DAB1: variants seen among roughly 807,000 people sequenced by gnomAD.
DAB1 encodes the protein disabled homolog 1.
In DAB1, 15 loss-of-function variants were observed where a neutral mutation model predicts 64.6. The observed-to-expected ratio is 0.23, with a 90% confidence interval of 0.16 to 0.36. The LOEUF (loss-of-function observed/expected upper bound fraction) is 0.36, where lower values mean the gene tolerates loss of function less well. Among genes scored for constraint, DAB1 ranks in the 10% least tolerant of loss-of-function variants. The pLI is 1.00. For synonymous variants in DAB1, 235 were observed against 251.9 expected (o/e 0.93, Z 0.64); for missense variants, 596 against 706.7 (o/e 0.84, Z 1.78).
intron 5 of DAB1, among the ~76,000 whole-genome samples, chr1:58,069,326 T>A (rs548415258): frequency 6.6e-6 from 1 of 152,310 alleles, no homozygotes; most frequent in South Asian, 2.1e-4. Context: ...ATTAAGTTTG[T>A]CCAAGGCTTC....
intron 7 of DAB1, among the ~76,000 whole-genome samples, chr1:57,491,469 A>G (rs1043473878): frequency 6.6e-6 from 1 of 152,166 alleles, no homozygotes; most frequent in Non-Finnish European, 1.5e-5. Flanking sequence ...TAAAAAAAGG[A>G]TAACAATATA....
intron 3 of DAB1, among the ~76,000 whole-genome samples, chr1:58,407,263 C>T (rs1035562885): frequency 7.9e-5 from 12 of 152,122 alleles, no homozygotes; most frequent in Admixed American, 5.9e-4. Context: ...GCCCAGACAC[C>T]GTGGCACCCC....
chr1:58,079,591 C>T (rs186360552), intron 5 of DAB1, among the ~76,000 whole-genome samples: 182 of 136,324 alleles, frequency 1.3e-3, no homozygotes, highest in Admixed American at 2.5e-3. Context: ...GGCGCAATCT[C>T]GGCTCACTGC....
At position 57,371,887 on chromosome 1, in the gene DAB1, G is replaced by A. The variant is rs753802753; in HGVS notation, c.-137+52043C>T. On this transcript the variant is annotated intron_variant, in intron 1 of 14. Transcript: ENST00000371236. ...GGGAGGTGCTACTGAAATCTACTGGGTAGAGGCCAGGGATGCTACTAAACA... is the reference window on the plus strand; with the variant it reads ...GGGAGGTGCTACTGAAATCTACTGGATAGAGGCCAGGGATGCTACTAAACA... Among the ~76,000 whole-genome samples, 82 of 152,150 alleles carry A rather than the reference G, an allele frequency of 5.4e-4. 1 individual carries two copies. The highest frequency in any genetic ancestry group is 1.5e-4 in the Non-Finnish European group (10 of 68,034).
intron 7 of DAB1, among the ~76,000 whole-genome samples, chr1:57,452,295 G>C (rs1686413845): frequency 6.6e-6 from 1 of 151,528 alleles, no homozygotes; most frequent in Non-Finnish European, 1.5e-5. Flanking sequence ...AAGTGAGTGG[G>C]CTTGGAATAT....
intron 5 of DAB1, among the ~76,000 whole-genome samples, chr1:57,972,463 G>A (rs1379979746): frequency 4.6e-5 from 7 of 152,016 alleles, no homozygotes; most frequent in Non-Finnish European, 7.4e-5. Context: ...GGCTGGTCTC[G>A]AACTCCTGGC....
chr1:58,364,341 C>A (rs769515362), intron 3 of DAB1, among the ~76,000 whole-genome samples: 3 of 152,206 alleles, frequency 2.0e-5, no homozygotes, highest in Non-Finnish European at 4.4e-5. Context: ...GTAACAGAAA[C>A]TAGAATAGCA....
chr1:57,617,138 T>C (rs1312508685), intron 7 of DAB1, among the ~76,000 whole-genome samples: 1 of 152,146 alleles, frequency 6.6e-6, no homozygotes, highest in Non-Finnish European at 1.5e-5. Flanking sequence ...CTGGTGCACA[T>C]ACTGCCCAGC....
intron 5 of DAB1, among the ~76,000 whole-genome samples, chr1:57,953,809 T>C (rs569470777): frequency 5.9e-5 from 9 of 152,274 alleles, no homozygotes; most frequent in East Asian, 5.8e-4. Context: ...GCTGGGTTCC[T>C]GTAATAAGGC....
chr1:58,427,220 T>A (rs1428315797), intron 3 of DAB1, among the ~76,000 whole-genome samples: 4 of 150,512 alleles, frequency 2.7e-5, no homozygotes, highest in African/African-American at 7.3e-5. Flanking sequence ...TGAGAAGAGA[T>A]GCAGTAGAGT....
intron 6 of DAB1, among the ~76,000 whole-genome samples, chr1:57,677,804 GT>G (rs1646585376): frequency 6.6e-6 from 1 of 152,288 alleles, no homozygotes; most frequent in South Asian, 2.1e-4. Flanking sequence ...GCAAGGTACT[GT>G]TATTCATTGG....
intron 7 of DAB1, among the ~76,000 whole-genome samples, chr1:57,614,707 T>G (rs1645768655): frequency 6.6e-6 from 1 of 152,086 alleles, no homozygotes; most frequent in African/African-American, 2.4e-5. Context: ...TTGGACTCCT[T>G]CTCTTTGTAA....
At chr1:57,183,715 T>C (rs914064672) in intron 2 of DAB1, among the ~76,000 whole-genome samples, 2 of 152,200 alleles carry the variant, frequency 1.3e-5, no homozygotes, top group Non-Finnish European at 2.9e-5. Context: ...CACTCCACTA[T>C]ATGGGAAAGT....
chr1:58,092,371 A>G (rs1366463835), intron 5 of DAB1, among the ~76,000 whole-genome samples: 2 of 151,922 alleles, frequency 1.3e-5, no homozygotes, highest in African/African-American at 4.8e-5. Flanking sequence ...TTTCAAGGTA[A>G]GTTCTTTCCA....
intron 1 of DAB1, among the ~76,000 whole-genome samples, chr1:57,849,153 A>G (rs1456893246): frequency 2.0e-5 from 3 of 152,204 alleles, no homozygotes; most frequent in Non-Finnish European, 4.4e-5. Flanking sequence ...ATTCTCTGAA[A>G]TACCAGCCCT....
At chr1:57,094,262 C>G (rs1381709851) in intron 4 of DAB1, among the ~76,000 whole-genome samples, 3 of 152,268 alleles carry the variant, frequency 2.0e-5, no homozygotes, top group African/African-American at 7.2e-5. Context: ...ACCAGCCAGG[C>G]ACATAGCAGG....
At chr1:58,045,659 C>T (rs1240847215) in intron 5 of DAB1, among the ~76,000 whole-genome samples, 1 of 152,070 alleles carries the variant, frequency 6.6e-6, no homozygotes, top group Non-Finnish European at 1.5e-5. Context: ...TTCTCTTTAT[C>T]TTTCTTTTTA....
intron 7 of DAB1, among the ~76,000 whole-genome samples, chr1:57,629,840 AG>A (rs1022936824): frequency 5.3e-5 from 8 of 151,478 alleles, no homozygotes; most frequent in African/African-American, 1.9e-4. Context: ...ACAAAGGTTG[AG>A]GGTTTTTTTT....
At chr1:57,763,664 C>A (rs1019085660) in intron 6 of DAB1, among the ~76,000 whole-genome samples, 3 of 152,088 alleles carry the variant, frequency 2.0e-5, no homozygotes, top group Non-Finnish European at 4.4e-5. Context: ...AATGACAAAG[C>A]AAGACCTTAT....
Sources: allele counts gnomAD v4.1 joint callset (sites outside exome capture counted in the v4.1 genomes callset), GRCh38; gene constraint gnomAD v4.1.1; transcripts MANE v1.5; gene names NCBI Gene and HGNC (gene_info 2026-07-23, HGNC 2026-07-21).